PTPRT: variants seen among roughly 807,000 people sequenced by gnomAD.
PTPRT encodes receptor-type tyrosine-protein phosphatase T.
PTPRT carries 56 observed loss-of-function variants against 176.8 expected under a neutral mutation model. The observed-to-expected ratio is 0.32, with a 90% CI of 0.26 to 0.40. The LOEUF is 0.40. PTPRT is among the 10% of genes least tolerant of loss of function. PTPRT has a pLI of 1.00. For missense variants in PTPRT, 1,540 were observed against 1,908.2 expected (o/e 0.81, Z 3.60); for synonymous variants, 783 against 739.0 (o/e 1.06, Z -0.96).
chr20:42,696,437 C>A (rs2075877665), intron 6 of PTPRT, among the ~76,000 whole-genome samples: 1 of 150,506 alleles, frequency 6.6e-6, no homozygotes, highest in Non-Finnish European at 1.5e-5. Context: ...GTTCTAAAGC[C>A]TTCCAATAGC....
intron 1 of PTPRT, among the ~76,000 whole-genome samples, chr20:43,029,210 A>T (rs1051868029): frequency 2.0e-5 from 3 of 152,250 alleles, no homozygotes; most frequent in Non-Finnish European, 4.4e-5. Flanking sequence ...ATGATGGTAC[A>T]GTAGTCACAC....
intron 7 of PTPRT, among the ~76,000 whole-genome samples, chr20:42,622,360 G>T (rs1351411065): frequency 6.6e-6 from 1 of 151,904 alleles, no homozygotes; most frequent in Non-Finnish European, 1.5e-5. Flanking sequence ...TCCTGCCTCA[G>T]CCTCCCGAGT....
chr20:42,984,508 C>T (rs924006939), intron 1 of PTPRT, among the ~76,000 whole-genome samples: 1 of 152,192 alleles, frequency 6.6e-6, no homozygotes, highest in Non-Finnish European at 1.5e-5. Flanking sequence ...TCTCCCCTTT[C>T]CAAATCAGCA....
chr20:42,040,062 C>T, the PTPRT span, among the ~76,000 whole-genome samples: 2 of 152,106 alleles, frequency 1.3e-5, no homozygotes, highest in African/African-American at 4.8e-5. Flanking sequence ...CAACAGTGTG[C>T]AAAAGTTCCC....
intron 5 of PTPRT, among the ~76,000 whole-genome samples, chr20:42,768,191 G>A (rs561266019): frequency 6.6e-6 from 1 of 152,134 alleles, no homozygotes; most frequent in Non-Finnish European, 1.5e-5. Flanking sequence ...ATTTAGGGAA[G>A]TTTCCTTGAA....
At chr20:42,344,826 C>G (rs2058164106) in intron 11 of PTPRT, among the ~76,000 whole-genome samples, 1 of 152,174 alleles carries the variant, frequency 6.6e-6, no homozygotes, top group African/African-American at 2.4e-5. Context: ...CTCCTCATCT[C>G]TCTGTCCCCA....
At chr20:42,592,823 A>G (rs893368746) in intron 7 of PTPRT, among the ~76,000 whole-genome samples, 1 of 152,172 alleles carries the variant, frequency 6.6e-6, no homozygotes, top group African/African-American at 2.4e-5. Context: ...GCCACTTTAA[A>G]TCAAGGATCT....
At chr20:42,287,207 T>C (rs1331219500) in intron 12 of PTPRT, among the ~76,000 whole-genome samples, 11 of 151,894 alleles carry the variant, frequency 7.2e-5, no homozygotes, top group Non-Finnish European at 4.4e-5. Context: ...AATAGAACTA[T>C]TATATGATCC....
At chr20:42,913,141 T>C (rs935483080) in intron 1 of PTPRT, among the ~76,000 whole-genome samples, 5 of 152,148 alleles carry the variant, frequency 3.3e-5, no homozygotes, top group Non-Finnish European at 7.3e-5. Flanking sequence ...AAAAGGTACC[T>C]TACACAGAAT....
chr20:42,630,137 G>T (rs1229736563), intron 7 of PTPRT, among the ~76,000 whole-genome samples: 3 of 152,134 alleles, frequency 2.0e-5, no homozygotes, highest in African/African-American at 4.8e-5. Context: ...GAGGGTCAGA[G>T]TCAGAGAGAG....
chr20:43,070,352 C>T (rs7269427), intron 1 of PTPRT, among the ~76,000 whole-genome samples: 2,797 of 152,148 alleles, frequency 0.018, 52 homozygotes, highest in East Asian at 0.077. Flanking sequence ...TGTGGAGAAA[C>T]AGGAACACTT....
chr20:42,480,537 T>C (rs1037305499), intron 7 of PTPRT, among the ~76,000 whole-genome samples: 1 of 152,220 alleles, frequency 6.6e-6, no homozygotes, highest in Non-Finnish European at 1.5e-5. Context: ...ACCTCTGAGA[T>C]GGGCCAGGCA....
At chr20:42,980,336 T>C (rs1319204734) in intron 1 of PTPRT, among the ~76,000 whole-genome samples, 1 of 152,178 alleles carries the variant, frequency 6.6e-6, no homozygotes, top group Non-Finnish European at 1.5e-5. Flanking sequence ...ACGGTCTCAT[T>C]CTGTAACCTT....
At chr20:42,305,905 G>A (rs78826225) in intron 12 of PTPRT, among the ~76,000 whole-genome samples, 1,561 of 152,220 alleles carry the variant, frequency 0.01, 30 homozygotes, top group African/African-American at 0.035. Context: ...CAAGCTTCAC[G>A]AGGTTCCTTA....
At chr20:42,453,321 T>A (rs1034226108) in intron 8 of PTPRT, among the ~76,000 whole-genome samples, 2 of 152,178 alleles carry the variant, frequency 1.3e-5, no homozygotes, top group South Asian at 4.1e-4. Flanking sequence ...TATTAATGCT[T>A]CTTTTTATGC....
intron 26 of PTPRT, among the ~76,000 whole-genome samples, chr20:42,099,827 C>G (rs907580680): frequency 1.3e-5 from 2 of 152,104 alleles, no homozygotes; most frequent in Non-Finnish European, 2.9e-5. Context: ...TGGGGGGGCC[C>G]TTCTTCCGAG....
chr20:42,999,851 T>C (rs1043303740), intron 1 of PTPRT, among the ~76,000 whole-genome samples: 8 of 152,034 alleles, frequency 5.3e-5, no homozygotes, highest in African/African-American at 1.9e-4. Flanking sequence ...ATAGAAGTCA[T>C]ATATGTTTCA....
At chr20:42,497,578 A>G (rs1247706308) in intron 7 of PTPRT, among the ~76,000 whole-genome samples, 1 of 152,036 alleles carries the variant, frequency 6.6e-6, no homozygotes. Flanking sequence ...ACATTGTACC[A>G]GGCTCTTTTC....
At chr20:42,498,047 G>A (rs2071685608) in intron 7 of PTPRT, among the ~76,000 whole-genome samples, 1 of 152,044 alleles carries the variant, frequency 6.6e-6, no homozygotes, top group South Asian at 2.1e-4. Context: ...CATCACTAGT[G>A]GTACTTTGTA....
Sources: gnomAD v4.1 joint callset for allele counts (sites outside exome capture counted in the v4.1 genomes callset) on GRCh38, gnomAD v4.1.1 for gene constraint, MANE v1.5 for transcripts, NCBI Gene and HGNC (gene_info 2026-07-23, HGNC 2026-07-21) for gene names.